The following PDE1C variants were observed in gnomAD, a reference collection of about 807,000 sequenced individuals.
PDE1C encodes the protein dual specificity calcium/calmodulin-dependent 3',5'-cyclic nucleotide phosphodiesterase 1C.
In PDE1C, 62 loss-of-function variants were observed where a neutral mutation model predicts 93.1. The observed-to-expected ratio is 0.67, with a 90% CI of 0.54 to 0.82. The LOEUF (loss-of-function observed/expected upper bound fraction) is 0.82, where lower values mean the gene tolerates loss of function less well. Among genes scored for constraint, PDE1C ranks in the 40% least tolerant of loss-of-function variants. PDE1C has a pLI of 0.00. For missense variants in PDE1C, 742 were observed against 884.6 expected, an observed-to-expected ratio of 0.84 and a Z score of 2.04; for synonymous variants, 325 against 310.1, an observed-to-expected ratio of 1.05 and a Z score of -0.50.
At chr7:31,865,226 G>C in intron 6 of PDE1C, 144 bp from the exon 7 acceptor site, 1 of 695,568 alleles carries the variant, frequency 1.4e-6, no homozygotes, top group Non-Finnish European at 2.3e-6. Context: ...AAAAATTACT[G>C]ACAAAATTAT....
At chr7:32,364,751 C>T (rs1784197804) in intron 1 of PDE1C, among the ~76,000 whole-genome samples, 2 of 152,222 alleles carry the variant, frequency 1.3e-5, no homozygotes, top group South Asian at 4.1e-4. Context: ...AGTGTGCCCT[C>T]CTCTGGGGCC....
intron 1 of PDE1C, among the ~76,000 whole-genome samples, chr7:32,410,187 G>T (rs900617571): frequency 1.3e-5 from 2 of 152,078 alleles, no homozygotes; most frequent in African/African-American, 4.8e-5. Context: ...AACCAACCAG[G>T]GTGGGCGTGG....
the PDE1C span, among the ~76,000 whole-genome samples, chr7:31,680,405 G>T: frequency 6.6e-6 from 1 of 152,182 alleles, no homozygotes; most frequent in Non-Finnish European, 1.5e-5. Context: ...GCCTGTTATG[G>T]AGTGAAGTGG....
At chr7:32,000,298 G>A (rs1053750799) in intron 2 of PDE1C, among the ~76,000 whole-genome samples, 1 of 152,150 alleles carries the variant, frequency 6.6e-6, no homozygotes, top group African/African-American at 2.4e-5. Flanking sequence ...GCTCAGAATG[G>A]TTGGTGGCAT....
the PDE1C span, among the ~76,000 whole-genome samples, chr7:31,649,458 T>C: frequency 6.6e-6 from 1 of 152,186 alleles, no homozygotes; most frequent in Non-Finnish European, 1.5e-5. Context: ...ATGCTCTCTG[T>C]TCCCAGCTCA....
At chr7:32,011,652 C>T (rs1431313208) in intron 2 of PDE1C, among the ~76,000 whole-genome samples, 3 of 152,138 alleles carry the variant, frequency 2.0e-5, no homozygotes, top group Non-Finnish European at 4.4e-5. Context: ...ATTAGAATGG[C>T]TAAAATTAAA....
intron 3 of PDE1C, among the ~76,000 whole-genome samples, chr7:32,084,650 GTCTC>G (rs1291499117): frequency 2.0e-5 from 3 of 150,850 alleles, no homozygotes; most frequent in African/African-American, 7.3e-5. Context: ...ATAACAAACT[GTCTC>G]TCAGACCACA....
At chr7:31,978,077 G>A (rs941370511) in intron 2 of PDE1C, among the ~76,000 whole-genome samples, 3 of 152,064 alleles carry the variant, frequency 2.0e-5, no homozygotes, top group South Asian at 2.1e-4. Flanking sequence ...GCAGAGCCAG[G>A]GTTCAAATCC....
the PDE1C span, chr7:31,658,430 G>T: frequency 6.9e-7 from 1 of 1,442,556 alleles, no homozygotes; most frequent in Non-Finnish European, 9.1e-7. Flanking sequence ...AGTTTCCAGA[G>T]TATAACACAT....
the PDE1C span, chr7:31,642,181 AG>A: frequency 6.4e-7 from 1 of 1,559,128 alleles, no homozygotes; most frequent in East Asian, 2.4e-5. Context: ...TGCAGGTGCC[AG>A]GGTGGACAGA....
rs139974190 is a variant in PDE1C at position 32,361,389 on chromosome 7, C to T, written c.310+66433G>A. Among the ~76,000 whole-genome samples the T allele has an allele frequency of 1.7e-3, 262 of 152,330 alleles. 2 individuals carry two copies. The highest frequency in any genetic ancestry group is 5.9e-3 in the African/African-American group (246 of 41,566). ...GCAGCAGGATTATATGTCATCTTTG[C>T]TAATTAGAATGCTCTGGTTGGGTAG... is the stretch of plus-strand genomic sequence containing the variant. On this transcript the variant is annotated intron_variant, in intron 1 of 1. Coordinates refer to the PDE1C transcript ENST00000672256.
chr7:31,748,529 G>A (rs1794053857), downstream of PDE1C, among the ~76,000 whole-genome samples: 1 of 152,242 alleles, frequency 6.6e-6, no homozygotes, highest in Non-Finnish European at 1.5e-5. Flanking sequence ...GTTAAAATAT[G>A]CAGATGAGGA....
At chr7:31,638,170 A>G in the PDE1C span, among the ~76,000 whole-genome samples, 11 of 152,242 alleles carry the variant, frequency 7.2e-5, no homozygotes, top group Non-Finnish European at 1.0e-4. Flanking sequence ...TTTTGTACCC[A>G]CAGTTGATAT....
chr7:31,780,951 C>T (rs530300388), intron 16 of PDE1C, among the ~76,000 whole-genome samples: 76 of 152,234 alleles, frequency 5.0e-4, no homozygotes, highest in Non-Finnish European at 7.6e-4. Flanking sequence ...CAACCCAATC[C>T]GTCAGCTAGG....
rs570775813 is a variant in PDE1C at position 31,758,782 on chromosome 7, G to T, written c.1961-5229C>A. ...AAATTGCCTAGGAACAAACATAAAA[G>T]CAGTGCCGTTACCCTGGAGAATGGT... On this transcript the variant is annotated intron_variant, in intron 17 of 17. Coordinates refer to ENST00000396191, the MANE Select transcript of PDE1C (RefSeq NM_001191057.4). 2.0e-5 allele frequency among the ~76,000 whole-genome samples: 3 copies of T among 152,176 alleles called. No homozygotes were observed. The South Asian group carries it at 6.2e-4, about 32-fold the overall frequency.
the PDE1C span, among the ~76,000 whole-genome samples, chr7:31,628,075 A>G: frequency 6.6e-6 from 1 of 152,234 alleles, no homozygotes; most frequent in Non-Finnish European, 1.5e-5. Context: ...GGAGCCGACT[A>G]CTGGAGCCTG....
chr7:32,223,202 C>T (rs1275546950), intron 1 of PDE1C, among the ~76,000 whole-genome samples: 1 of 152,252 alleles, frequency 6.6e-6, no homozygotes, highest in Admixed American at 6.5e-5. Context: ...GCTCTCAAAT[C>T]TGCCAAATGT....
the PDE1C span, among the ~76,000 whole-genome samples, chr7:31,738,847 A>G: frequency 6.0e-4 from 92 of 152,228 alleles, no homozygotes; most frequent in African/African-American, 1.8e-3. Context: ...GTAGACCAGG[A>G]TGGTAATGGC....
At chr7:32,191,363 A>G (rs1804218694) in intron 2 of PDE1C, among the ~76,000 whole-genome samples, 2 of 130,770 alleles carry the variant, frequency 1.5e-5, no homozygotes, top group Non-Finnish European at 3.5e-5. Flanking sequence ...TTATCCTGTT[A>G]TAGCCTTACT....
Sources: gnomAD v4.1 joint callset for allele counts (sites outside exome capture counted in the v4.1 genomes callset) on GRCh38, gnomAD v4.1.1 for gene constraint, MANE v1.5 for transcripts, NCBI Gene and HGNC (gene_info 2026-07-23, HGNC 2026-07-21) for gene names.